Variants in NTN4 observed in about 807,000 individuals in gnomAD.
The protein encoded by NTN4 is netrin-4.
In NTN4, 32 loss-of-function variants were observed where a neutral mutation model predicts 73.6. The observed-to-expected ratio is 0.44, with a 90% CI of 0.33 to 0.58. The LOEUF is 0.58. NTN4 is among the 20% of genes least tolerant of loss of function. The probability of loss-of-function intolerance (pLI) is 0.04; values close to 1 mark genes in which losing one functional copy is unlikely to be tolerated. For missense variants in NTN4, 654 were observed against 798.3 expected (o/e 0.82, Z 2.18); for synonymous variants, 258 against 287.5 (o/e 0.90, Z 1.04).
At chr12:95,677,631 A>G (rs958387321) in intron 7 of NTN4, among the ~76,000 whole-genome samples, 2 of 152,212 alleles carry the variant, frequency 1.3e-5, no homozygotes, top group African/African-American at 2.4e-5. Context: ...CAGCAAATAA[A>G]ACTTATCCTA....
At position 95,738,072 on chromosome 12, in the gene NTN4, T is replaced by C; in HGVS notation, c.658A>G (p.Lys220Glu). 1 of 1,614,152 alleles carries C rather than the reference T, an allele frequency of 6.2e-7. No individual in the cohort carries two copies. Among genetic ancestry groups the C allele is most frequent in the Non-Finnish European group, 8.5e-7 (1 of 1,179,990 alleles). The stretch of plus-strand genomic sequence containing the variant: ...AGCTGCACGCGAAGGTTGGTGATCT[T>C]CAGCTGCTCCTGAACTTTGGCACTG... ...PYSAKVQEQL[K>E]ITNLRVQLLK... is the part of the protein sequence containing the mutation. The change falls in exon 3 of 10, where the codon AAG becomes GAG. Residue 220 changes from lysine (K) to glutamate (E), a missense_variant. Coordinates refer to ENST00000343702, the MANE Select transcript of NTN4 (RefSeq NM_021229.4).
intron 2 of NTN4, among the ~76,000 whole-genome samples, chr12:95,750,435 C>T (rs1310266879): frequency 1.3e-5 from 2 of 152,148 alleles, no homozygotes; most frequent in Middle Eastern, 3.2e-3. Context: ...TGACCTAAAA[C>T]CTAAATGCCT....
At chr12:95,676,862 T>G (rs1027508672) in intron 7 of NTN4, among the ~76,000 whole-genome samples, 1 of 152,090 alleles carries the variant, frequency 6.6e-6, no homozygotes, top group South Asian at 2.1e-4. Flanking sequence ...AAAAGAAGAT[T>G]AAGGACAGAT....
At chr12:95,678,102 C>T (rs1401281592) in intron 7 of NTN4, among the ~76,000 whole-genome samples, 1 of 151,808 alleles carries the variant, frequency 6.6e-6, no homozygotes, top group Non-Finnish European at 1.5e-5. Flanking sequence ...AACCAAACAC[C>T]ATATATTCTC....
intron 2 of NTN4, among the ~76,000 whole-genome samples, chr12:95,751,545 C>T (rs1302048032): frequency 5.9e-5 from 9 of 152,104 alleles, no homozygotes; most frequent in Non-Finnish European, 1.2e-4. Flanking sequence ...CACTGAAAAT[C>T]GGACTGTTCA....
intron 3 of NTN4, among the ~76,000 whole-genome samples, chr12:95,733,828 G>A (rs1037876042): frequency 3.3e-5 from 5 of 152,092 alleles, no homozygotes; most frequent in African/African-American, 1.2e-4. Context: ...CCAGCACTTT[G>A]GAAGGCCGAG....
chr12:95,747,722 T>C (rs2078872425), intron 2 of NTN4, among the ~76,000 whole-genome samples: 1 of 152,126 alleles, frequency 6.6e-6, no homozygotes, highest in Non-Finnish European at 1.5e-5. Context: ...TGAATCTGAA[T>C]CATGTCAATA....
At chr12:95,779,990 A>T (rs2079121053) in intron 2 of NTN4, among the ~76,000 whole-genome samples, 1 of 152,210 alleles carries the variant, frequency 6.6e-6, no homozygotes, top group African/African-American at 2.4e-5. Flanking sequence ...CTCAGAAATA[A>T]TGCCACATAT....
At chr12:95,679,848 C>T (rs1565881446) in intron 7 of NTN4, among the ~76,000 whole-genome samples, 1 of 152,134 alleles carries the variant, frequency 6.6e-6, no homozygotes, top group African/African-American at 2.4e-5. Flanking sequence ...TTTCCTCTTC[C>T]ACTTGTCTTC....
chr12:95,783,210 C>A (rs551804955), intron 2 of NTN4, among the ~76,000 whole-genome samples: 1 of 152,162 alleles, frequency 6.6e-6, no homozygotes. Flanking sequence ...TCCCACGCTG[C>A]GCTCTGTGGA....
chr12:95,767,226 T>G (rs924552476), intron 2 of NTN4, among the ~76,000 whole-genome samples: 2 of 152,072 alleles, frequency 1.3e-5, no homozygotes. Context: ...CAGGTGCACT[T>G]TTCCATGGAA....
chr12:95,669,788 G>C (rs1371621011), intron 8 of NTN4, among the ~76,000 whole-genome samples: 1 of 152,146 alleles, frequency 6.6e-6, no homozygotes, highest in Non-Finnish European at 1.5e-5. Flanking sequence ...CCACGAGAAA[G>C]GATTTCATGT....
chr12:95,773,006 T>G (rs1246303388), intron 2 of NTN4, among the ~76,000 whole-genome samples: 1 of 148,706 alleles, frequency 6.7e-6, no homozygotes, highest in Admixed American at 6.7e-5. Context: ...TCTTTTTTCT[T>G]TTTTCTTTTT....
rs1235659040 is a variant in NTN4, at chr12:95,738,087, C to T, written c.643G>A (p.Val215Ile). The T allele has an allele frequency of 1.9e-6, 3 of 1,614,026 alleles. No homozygotes were observed. The highest frequency in any genetic ancestry group is 2.2e-5 in the East Asian group (1 of 44,892). ...TTGGTGATCTTCAGCTGCTCCTGAA[C>T]TTTGGCACTGTAAGGGTTCTCTGTA... The part of the protein sequence containing the change: ...YDTENPYSAK[V>I]QEQLKITNLR... Residue 215 changes from valine to isoleucine, a missense_variant, in exon 3 of 10, where the codon GTT becomes ATT. Val to Ile is a conservative substitution (Grantham distance 29). Transcript: ENST00000343702.
intron 7 of NTN4, among the ~76,000 whole-genome samples, chr12:95,682,405 T>G (rs890977705): frequency 3.5e-4 from 51 of 147,222 alleles, no homozygotes; most frequent in Admixed American, 3.4e-3. Flanking sequence ...AGTGGAATAA[T>G]GAGATTTTGG....
At chr12:95,762,053 G>C (rs1313921194) in intron 2 of NTN4, among the ~76,000 whole-genome samples, 2 of 152,096 alleles carry the variant, frequency 1.3e-5, no homozygotes, top group Non-Finnish European at 1.5e-5. Context: ...CTGACTGGGT[G>C]CCACAGAAAA....
At chr12:95,681,206 AAAAG>A (rs1465118577) in intron 7 of NTN4, among the ~76,000 whole-genome samples, 4 of 151,764 alleles carry the variant, frequency 2.6e-5, no homozygotes, top group Non-Finnish European at 5.9e-5. Context: ...AAAAAAAAAA[AAAAG>A]AGTAGATATC....
At chr12:95,769,193 G>A (rs1378387956) in intron 2 of NTN4, among the ~76,000 whole-genome samples, 1 of 152,198 alleles carries the variant, frequency 6.6e-6, no homozygotes, top group Non-Finnish European at 1.5e-5. Context: ...CTCCAGTAGA[G>A]TTCAGCTGTC....
intron 5 of NTN4, among the ~76,000 whole-genome samples, chr12:95,708,311 A>G (rs1227925598): frequency 6.8e-6 from 1 of 147,628 alleles, no homozygotes; most frequent in Non-Finnish European, 1.5e-5. Context: ...TTTTTGAGAC[A>G]GAGTCTTGCT....
Sources: allele counts gnomAD v4.1 joint callset (sites outside exome capture counted in the v4.1 genomes callset), GRCh38; gene constraint gnomAD v4.1.1; transcripts MANE v1.5; gene names NCBI Gene and HGNC (gene_info 2026-07-23, HGNC 2026-07-21).